PRPSAP2: variants seen among roughly 807,000 people sequenced by gnomAD.
The protein encoded by PRPSAP2 is phosphoribosyl pyrophosphate synthase-associated protein 2.
A neutral mutation model predicts 40.6 loss-of-function variants in PRPSAP2; 24 were observed. The ratio of observed to expected loss-of-function variants is 0.59; its 90% CI spans 0.43 to 0.83. The LOEUF (loss-of-function observed/expected upper bound fraction) is 0.83. PRPSAP2 is among the 40% of genes least tolerant of loss of function. PRPSAP2 has a pLI of 0.00. For synonymous variants in PRPSAP2, 149 were observed against 164.7 expected (o/e 0.90, Z 0.73); for missense variants, 292 against 465.6 (o/e 0.63, Z 3.43).
At chr17:18,863,015 C>T (rs2037151093) in intron 1 of PRPSAP2, among the ~76,000 whole-genome samples, 1 of 151,806 alleles carries the variant, frequency 6.6e-6, no homozygotes, top group African/African-American at 2.4e-5. Context: ...AGAGACGGGG[C>T]TTCACTGTGT....
intron 8 of PRPSAP2, among the ~76,000 whole-genome samples, chr17:18,892,920 C>T (rs1030151109): frequency 6.6e-6 from 1 of 150,792 alleles, no homozygotes; most frequent in African/African-American, 2.4e-5. Flanking sequence ...TTTTTATGTG[C>T]TTTTTGGCCA....
chr17:18,871,763 C>T (rs1384944507), intron 4 of PRPSAP2, among the ~76,000 whole-genome samples: 1 of 151,164 alleles, frequency 6.6e-6, no homozygotes, highest in Non-Finnish European at 1.5e-5. Context: ...TGGGTTCAAG[C>T]GATTCTCCTG....
intron 1 of PRPSAP2, chr17:18,861,479 GAAAA>G (rs1186846128): frequency 7.2e-6 from 1 of 138,050 alleles, no homozygotes; most frequent in Admixed American, 7.2e-5. Flanking sequence ...AAAAAAAAAA[GAAAA>G]AAAAGAAAAA....
intron 4 of PRPSAP2, among the ~76,000 whole-genome samples, chr17:18,868,322 A>C (rs535481678): frequency 6.6e-6 from 1 of 152,114 alleles, no homozygotes; most frequent in South Asian, 2.1e-4. Context: ...TAAAAATACA[A>C]AAATTTGCTG....
chr17:18,908,559 T>A, intron 8 of PRPSAP2: 3 of 744,838 alleles, frequency 4.0e-6, no homozygotes, highest in Non-Finnish European at 7.5e-6. Context: ...ACCCTGAAGA[T>A]CTGTGCTAAC....
chr17:18,856,944 A>C (rs527944154), upstream of PRPSAP2, among the ~76,000 whole-genome samples: 1 of 152,348 alleles, frequency 6.6e-6, no homozygotes, highest in South Asian at 2.1e-4. Flanking sequence ...TAAAGAGTAA[A>C]CATTACCTAA....
upstream of PRPSAP2, among the ~76,000 whole-genome samples, chr17:18,857,589 T>TTA (rs1555545128): frequency 1.3e-4 from 20 of 150,206 alleles, 1 homozygote; most frequent in South Asian, 4.2e-4. Context: ...AATTTTTTTT[T>TTA]TTTGTATTTT....
At chr17:18,928,483 CCAT>C in intron 10 of PRPSAP2, 1 of 305,470 alleles carries the variant, frequency 3.3e-6, no homozygotes, top group South Asian at 3.3e-5. Flanking sequence ...AATTATACCT[CCAT>C]CATTTCTGGT....
chr17:18,895,020 T>A (rs919175432), intron 8 of PRPSAP2, among the ~76,000 whole-genome samples: 13 of 152,024 alleles, frequency 8.6e-5, no homozygotes, highest in Non-Finnish European at 1.5e-4. Context: ...TATCATTTTT[T>A]AAAAATTCAT....
intron 6 of PRPSAP2, among the ~76,000 whole-genome samples, chr17:18,880,146 C>G (rs573094425): frequency 6.6e-6 from 1 of 152,200 alleles, no homozygotes; most frequent in South Asian, 2.1e-4. Flanking sequence ...ACCTCAGGAG[C>G]CTACCCCATT....
In PRPSAP2 at chr17:18,911,414, G is replaced by A. The variant is rs2040951768; in HGVS notation, c.733+163G>A. 6.6e-6 allele frequency among the ~76,000 whole-genome samples: 1 copy of A among 151,920 alleles called. No individual in the cohort carries two copies. Among genetic ancestry groups the A allele is most frequent in the Admixed American group, 6.6e-5 (1 of 15,226 alleles). ...TAGCGAATGCATTTCTGATTACCTT[G>A]TAAATTGTAAGGCCGTTTAGAAGCA... On this transcript the variant is annotated intron_variant, in intron 9 of 11. Transcript: ENST00000268835. The surrounding 1 kb of genome is among the most constrained non-coding windows in gnomAD (Gnocchi z 4.5).
intron 10 of PRPSAP2, among the ~76,000 whole-genome samples, chr17:18,924,497 G>A (rs1322850504): frequency 3.9e-5 from 6 of 152,096 alleles, no homozygotes; most frequent in African/African-American, 4.8e-5. Context: ...GGCTGGGCGC[G>A]TTGGCTCATG....
chr17:18,919,437 G>A (rs537815989), intron 9 of PRPSAP2, among the ~76,000 whole-genome samples: 167 of 152,186 alleles, frequency 1.1e-3, no homozygotes, highest in Middle Eastern at 0.01. Flanking sequence ...GAACCCAGGA[G>A]GCAGAGGTTG....
chr17:18,897,991 C>CTTTTT (rs71155370), intron 8 of PRPSAP2, among the ~76,000 whole-genome samples: 6 of 116,332 alleles, frequency 5.2e-5, no homozygotes, highest in Non-Finnish European at 8.6e-5. Context: ...AGAATTTTTG[C>CTTTTT]TTTTTTTTTT....
Position 18,865,914 on chromosome 17 carries a change from G to A in PRPSAP2, c.81G>A (p.Ser27=), listed in dbSNP as rs374005937. Residue 27 remains serine (S), a synonymous_variant, in exon 3 of 12, where the codon TCG becomes TCA. Transcript: ENST00000268835. ...KGGLVLFSAN[S]NSSCMELSKK... ...GTCTGGTGTTGTTTTCAGCAAACTC[G>A]AATTCATCATGTATGGAGCTATCAA... The A allele has an allele frequency of 4.5e-6, 7 of 1,538,856 alleles. No individual in the cohort carries two copies. Among genetic ancestry groups the A allele is most frequent in the Admixed American group, 1.8e-5 (1 of 56,316 alleles).
At chr17:18,923,256 A>ATTTTTTTT (rs34975526) in intron 9 of PRPSAP2, among the ~76,000 whole-genome samples, 48 of 105,366 alleles carry the variant, frequency 4.6e-4, no homozygotes, top group East Asian at 7.9e-4. Context: ...CACTTGGCTA[A>ATTTTTTTT]TTTTTTTTTT....
intron 9 of PRPSAP2, among the ~76,000 whole-genome samples, chr17:18,919,521 T>A (rs1367452984): frequency 1.3e-5 from 2 of 149,338 alleles, no homozygotes; most frequent in African/African-American, 2.5e-5. Flanking sequence ...AAAAAAAAAA[T>A]TAGCCAGGCA....
At chr17:18,921,415 G>A (rs1277773792) in intron 9 of PRPSAP2, among the ~76,000 whole-genome samples, 2 of 152,148 alleles carry the variant, frequency 1.3e-5, no homozygotes, top group Non-Finnish European at 2.9e-5. Context: ...GAGTAGGACT[G>A]TTGAAAATGT....
intron 8 of PRPSAP2, among the ~76,000 whole-genome samples, chr17:18,899,500 G>A (rs1419815622): frequency 1.5e-5 from 2 of 133,086 alleles, no homozygotes; most frequent in African/African-American, 2.8e-5. Context: ...CCATTCTGCT[G>A]TTGAGTATAT....
Sources: allele counts gnomAD v4.1 joint callset (sites outside exome capture counted in the v4.1 genomes callset), GRCh38; gene constraint gnomAD v4.1.1; non-coding constraint Gnocchi (gnomAD v3.1); transcripts MANE v1.5; gene names NCBI Gene and HGNC (gene_info 2026-07-23, HGNC 2026-07-21).